Variants in MROH2B observed in about 807,000 individuals in gnomAD.
The protein encoded by MROH2B is maestro heat-like repeat-containing protein family member 2B.
Under a neutral mutation model 208.6 loss-of-function variants are expected in MROH2B, and 177 were observed. The observed-to-expected ratio is 0.85, with a 90% confidence interval of 0.75 to 0.96. The LOEUF (loss-of-function observed/expected upper bound fraction) is 0.96. Among genes scored for constraint, MROH2B ranks in the 40% least tolerant of loss-of-function variants. The pLI is 0.00. For synonymous variants in MROH2B, 728 were observed against 659.0 expected (o/e 1.10, Z -1.60); for missense variants, 2,002 against 1,878.7 (o/e 1.07, Z -1.21).
chr5:41,049,304 C>CT lies in MROH2B; in HGVS notation c.1476dup (p.Ala493SerfsTer47), dbSNP rs776885742. The CT allele has an allele frequency of 1.2e-5, 20 of 1,613,434 alleles. No individual in the cohort carries two copies. In the Admixed American group the frequency reaches 2.0e-4, roughly 16 times the overall value. On this transcript the variant is annotated frameshift_variant, in exon 14 of 42. Coordinates refer to ENST00000399564, the MANE Select transcript of MROH2B (RefSeq NM_173489.5). LOFTEE classifies it high-confidence loss of function. ...CCAGCTCCTGTAGAGACGACAAGTG[C>CT]TGTCGACTCCTTGGCACTGTGCTGC...
intron 36 of MROH2B, 44 bp from the exon 37 acceptor site, chr5:41,004,572 C>G: frequency 6.3e-7 from 1 of 1,576,226 alleles, no homozygotes. Flanking sequence ...TTGTTCTATG[C>G]GTATCTGGAA....
intron 17 of MROH2B, among the ~76,000 whole-genome samples, chr5:41,047,060 T>C (rs113807406): frequency 1.9e-5 from 1 of 51,312 alleles, no homozygotes; most frequent in African/African-American, 4.5e-5. Flanking sequence ...CCTAGGTAGA[T>C]GCCTTTTAAT....
intron 34 of MROH2B, among the ~76,000 whole-genome samples, chr5:41,006,223 C>A (rs1741587265): frequency 6.6e-6 from 1 of 152,054 alleles, no homozygotes; most frequent in South Asian, 2.1e-4. Flanking sequence ...GGCCAACAAA[C>A]ATATGGAAAA....
intron 41 of MROH2B, 129 bp downstream of exon 41, chr5:40,998,483 G>C (rs987556148): frequency 9.5e-6 from 7 of 740,080 alleles, no homozygotes; most frequent in Non-Finnish European, 1.4e-5. Flanking sequence ...AGTGTCTAGA[G>C]AGCATCAGAG....
At chr5:40,998,504 G>C in intron 41 of MROH2B, 108 bp downstream of exon 41, 1 of 860,902 alleles carries the variant, frequency 1.2e-6, no homozygotes, top group South Asian at 1.6e-5. Context: ...ACAATAATTG[G>C]TACTAAGATT....
In MROH2B at chr5:41,008,706, C is replaced by T. The variant is rs1446269412; in HGVS notation, c.3508G>A (p.Val1170Ile). 1.9e-6 allele frequency: 3 copies of T among 1,613,880 alleles called. No homozygotes were observed. The highest frequency in any genetic ancestry group is 1.3e-5 in the African/African-American group (1 of 75,020). Residue 1170 changes from valine to isoleucine, a missense_variant, in exon 33 of 42, where the codon GTT (valine) becomes ATT (isoleucine). By Grantham distance (29) the Val-to-Ile change is conservative (BLOSUM62 3). Coordinates refer to ENST00000399564, the MANE Select transcript of MROH2B (RefSeq NM_173489.5). ...ATCTTCTGGCCCAGTGTGCAGCTAA[C>T]CAGCTTCAGGAGGAGAGTGAACAGC... ...PELFTLLLKLVSCTLGQKMLT... is the reference protein window; with the variant it reads ...PELFTLLLKLISCTLGQKMLT...
chr5:41,028,190 A>G (rs1171184675), intron 24 of MROH2B, among the ~76,000 whole-genome samples: 1 of 152,098 alleles, frequency 6.6e-6, no homozygotes, highest in African/African-American at 2.4e-5. Flanking sequence ...AGTATATATA[A>G]AAAAAGATAT....
intron 37 of MROH2B, among the ~76,000 whole-genome samples, chr5:41,003,728 T>C (rs1741480325): frequency 6.6e-6 from 1 of 152,176 alleles, no homozygotes; most frequent in Non-Finnish European, 1.5e-5. Flanking sequence ...CAGTTTTCCA[T>C]CTCCTCTGAC....
chr5:41,054,143 C>A (rs567387079), intron 11 of MROH2B, among the ~76,000 whole-genome samples: 5 of 152,134 alleles, frequency 3.3e-5, no homozygotes, highest in Admixed American at 2.6e-4. Flanking sequence ...GCACACTTGG[C>A]TAATTTTTGT....
At chr5:41,059,922 C>T (rs1369058001) in intron 6 of MROH2B, among the ~76,000 whole-genome samples, 3 of 152,160 alleles carry the variant, frequency 2.0e-5, no homozygotes, top group Non-Finnish European at 4.4e-5. Flanking sequence ...CCAATTTTTG[C>T]TCTTCCTTTT....
chr5:41,039,418 T>G, intron 20 of MROH2B, 30 bp downstream of exon 20: 3 of 1,366,740 alleles, frequency 2.2e-6, no homozygotes, highest in Non-Finnish European at 3.1e-6. Context: ...CTTGCAATAC[T>G]GAGAATTTGA....
chr5:41,000,887 C>T (rs894780645), intron 37 of MROH2B, 54 bp from the exon 38 acceptor site: 2 of 1,542,352 alleles, frequency 1.3e-6, no homozygotes, highest in Non-Finnish European at 1.7e-6. Context: ...CCATTCCCTG[C>T]TAGCACACTC....
At position 41,049,428 on chromosome 5, in the gene MROH2B, C is replaced by A; in HGVS notation, c.1353G>T (p.Trp451Cys). The A allele has an allele frequency of 1.2e-6, 2 of 1,611,210 alleles. No individual in the cohort carries two copies. Among genetic ancestry groups the A allele is most frequent in the Non-Finnish European group, 1.7e-6 (2 of 1,178,996 alleles). The change falls in exon 14 of 42, where the codon TGG (tryptophan) becomes TGT (cysteine). Residue 451 changes from tryptophan (W) to cysteine (C), a missense_variant. Coordinates refer to ENST00000399564, the MANE Select transcript of MROH2B (RefSeq NM_173489.5). ...GTACCACAAAAGTCAGGATCCTTGGCCATAGCACCTGTGGAAAACAGGGCA... is the reference window on the plus strand; with the variant it reads ...GTACCACAAAAGTCAGGATCCTTGGACATAGCACCTGTGGAAAACAGGGCA... Reference protein sequence around the residue: ...PLVIGMPQVLWPRILTFVVPA... With the variant: ...PLVIGMPQVLCPRILTFVVPA...
rs770914730 is a variant in MROH2B, at chr5:41,004,884, G to C, written c.3901C>G (p.Leu1301Val). Residue 1301 changes from leucine to valine, a missense_variant, in exon 36 of 42, where the codon CTG (leucine) becomes GTG (valine). Physicochemically the swap from Leu to Val is conservative, Grantham distance 32. Transcript: ENST00000399564. ...TCCATCAAGATCAGCACATTTCGCAGATTCCCATGCTTCCAAAGGATTGGT... is the reference window on the plus strand; with the variant it reads ...TCCATCAAGATCAGCACATTTCGCACATTCCCATGCTTCCAAAGGATTGGT... ...KEPILWKHGN[L>V]RNVLILMDQS... The C allele has an allele frequency of 5.8e-5, 94 of 1,613,882 alleles. No homozygotes were observed. The highest frequency in any genetic ancestry group is 7.5e-5 in the Non-Finnish European group (88 of 1,179,884).
intron 34 of MROH2B, 23 bp downstream of exon 34, chr5:41,007,291 G>A: frequency 7.4e-7 from 1 of 1,356,804 alleles, no homozygotes; most frequent in South Asian, 2.0e-5. Flanking sequence ...TTTGTATCTG[G>A]TTCTAGAAAA....
In MROH2B at chr5:40,998,151, T is replaced by C. The variant is rs1049048351; in HGVS notation, c.4659A>G (p.Gln1553=). 7 of 1,610,100 alleles carry C rather than the reference T, an allele frequency of 4.3e-6. No homozygotes were observed. Among genetic ancestry groups the C allele is most frequent in the African/African-American group, 4.0e-5 (3 of 74,814 alleles). The part of the protein sequence containing the change: ...LDREQLTTRL[Q]ALRQDPCISV... ...TAATACACGGATCTTGACGAAGTGCTTGGAGTCCTGAAATGGCAAGAATAG... is the reference window on the plus strand; with the variant it reads ...TAATACACGGATCTTGACGAAGTGCCTGGAGTCCTGAAATGGCAAGAATAG... Residue 1553 remains glutamine (Q), a synonymous_variant, in exon 42 of 42, where the codon CAA becomes CAG. Coordinates refer to ENST00000399564, the MANE Select transcript of MROH2B (RefSeq NM_173489.5).
At chr5:41,048,294 G>T (rs1743183596) in intron 16 of MROH2B, 30 bp downstream of exon 16, 1 of 1,575,354 alleles carries the variant, frequency 6.3e-7, no homozygotes, top group African/African-American at 1.4e-5. Context: ...CTTGCCCCCT[G>T]GGTAAAGACC....
At position 41,066,038 on chromosome 5, in the gene MROH2B, C is replaced by G. The variant is rs117672921; in HGVS notation, c.202-548G>C. Among the ~76,000 whole-genome samples, 3 of 152,230 alleles carry G rather than the reference C, an allele frequency of 2.0e-5. No homozygotes were observed. In the East Asian group the frequency reaches 5.8e-4, roughly 30 times the overall value. ...TTCTAGTAAACTTCGAGGTCAGTAG[C>G]TGTTTTCTTGCTGGTTGATCTGGTA... On this transcript the variant is annotated intron_variant, in intron 3 of 41. Transcript: ENST00000399564.
intron 24 of MROH2B, among the ~76,000 whole-genome samples, chr5:41,026,482 A>T (rs1261667811): frequency 6.6e-6 from 1 of 152,000 alleles, no homozygotes; most frequent in Non-Finnish European, 1.5e-5. Flanking sequence ...CTTACTAGGG[A>T]TGTGAAGGAC....
Sources: gnomAD v4.1 joint callset for allele counts (sites outside exome capture counted in the v4.1 genomes callset) on GRCh38, gnomAD v4.1.1 for gene constraint, MANE v1.5 for transcripts, NCBI Gene and HGNC (gene_info 2026-07-23, HGNC 2026-07-21) for gene names.